Variants in ZNF30 observed in about 807,000 individuals in gnomAD.
ZNF30 encodes zinc finger protein 30.
Under a neutral mutation model 13.2 loss-of-function variants are expected in ZNF30, and 15 were observed. The ratio of observed to expected loss-of-function variants is 1.13; its 90% CI spans 0.76 to 1.75. The LOEUF (loss-of-function observed/expected upper bound fraction) is 1.75, where lower values mean the gene tolerates loss of function less well. Among genes scored for constraint, ZNF30 ranks in the 40% most tolerant of loss-of-function variants. The pLI, the probability that ZNF30 is intolerant of heterozygous loss-of-function variation, is 0.00. For synonymous variants in ZNF30, 223 were observed against 256.6 expected, an observed-to-expected ratio of 0.87 and a Z score of 1.25; for missense variants, 726 against 757.0, an observed-to-expected ratio of 0.96 and a Z score of 0.48.
At chr19:34,926,415 C>G (rs770753370), upstream of ZNF30, among the ~76,000 whole-genome samples, 15 of 152,210 alleles carry the variant, frequency 9.9e-5, no homozygotes, top group Admixed American at 2.6e-4. Context: ...TTTGATTAGC[C>G]TTATTTACAT....
intron 4 of ZNF30, among the ~76,000 whole-genome samples, chr19:34,937,185 A>G (rs993986844): frequency 2.0e-5 from 3 of 151,602 alleles, no homozygotes; most frequent in Admixed American, 1.3e-4. Flanking sequence ...CTAATTTTTT[A>G]TATTTTTAGT....
chr19:34,932,066 A>C (rs2012482806), intron 3 of ZNF30, 73 bp downstream of exon 3: 1 of 1,370,336 alleles, frequency 7.3e-7, no homozygotes, highest in Non-Finnish European at 9.6e-7. Context: ...TTTTAGGGCT[A>C]GCTTAAGAAC....
At chr19:34,937,562 C>A (rs1303365397) in intron 4 of ZNF30, among the ~76,000 whole-genome samples, 1 of 151,844 alleles carries the variant, frequency 6.6e-6, no homozygotes, top group African/African-American at 2.4e-5. Flanking sequence ...CAGGACCCCC[C>A]ATCTCTACAA....
At chr19:34,932,220 A>T (rs1477143043) in intron 3 of ZNF30, among the ~76,000 whole-genome samples, 1 of 152,174 alleles carries the variant, frequency 6.6e-6, no homozygotes, top group Non-Finnish European at 1.5e-5. Flanking sequence ...TTTTTGCTCT[A>T]AATTGCTCTA....
At chr19:34,932,059 T>C in intron 3 of ZNF30, 66 bp downstream of exon 3, 1 of 1,403,268 alleles carries the variant, frequency 7.1e-7, no homozygotes, top group African/African-American at 1.5e-5. Flanking sequence ...TTGCAGATTT[T>C]AGGGCTAGCT....
At position 34,944,497 on chromosome 19, in the gene ZNF30, C is replaced by T. The variant is rs780880223; in HGVS notation, c.1531C>T (p.Pro511Ser). The T allele has an allele frequency of 9.3e-6, 15 of 1,613,688 alleles. No individual in the cohort carries two copies. The highest frequency in any genetic ancestry group is 1.3e-5 in the Non-Finnish European group (15 of 1,179,958). ...QHSRIHTGKK[P>S]YECKECGKAF... ...TAGCAGAATCCATACTGGTAAGAAG[C>T]CCTATGAGTGTAAGGAGTGTGGCAA... The change falls in exon 5 of 5, where the codon CCC (proline) becomes TCC (serine). Residue 511 changes from proline (P) to serine (S), a missense_variant. Physicochemically the swap from Pro to Ser is moderately conservative, Grantham distance 74. Coordinates refer to ENST00000601142, the MANE Select transcript of ZNF30 (RefSeq NM_194325.3).
At chr19:34,929,702 A>G (rs1568535131) in intron 1 of ZNF30, among the ~76,000 whole-genome samples, 182 bp from the exon 2 acceptor site, 1 of 152,208 alleles carries the variant, frequency 6.6e-6, no homozygotes, top group African/African-American at 2.4e-5. Flanking sequence ...AAGAAGTGCC[A>G]CACCTCTGCG....
chr19:34,932,029 T>A (rs771550724), intron 3 of ZNF30, 36 bp downstream of exon 3: 2 of 1,539,600 alleles, frequency 1.3e-6, no homozygotes, highest in Non-Finnish European at 1.7e-6. Context: ...GAGAATCTGC[T>A]CCCTGTTATA....
chr19:34,944,033 G>C lies in ZNF30; in HGVS notation c.1067G>C (p.Ser356Thr), dbSNP rs2013192274. The C allele has an allele frequency of 6.2e-7, 1 of 1,613,892 alleles. No homozygotes were observed. The highest frequency in any genetic ancestry group is 1.3e-5 in the African/African-American group (1 of 74,944). Reference sequence around the variant, plus strand: ...GAATGTGGAAAGGCCTTTAGACTTAGTTCCTTCCTTCATGCACATCAGCGA... The same window carrying C: ...GAATGTGGAAAGGCCTTTAGACTTACTTCCTTCCTTCATGCACATCAGCGA... Reference protein sequence around the residue: ...CKECGKAFRLSSFLHAHQRIH... With the variant: ...CKECGKAFRLTSFLHAHQRIH... Residue 356 changes from serine (S) to threonine (T), a missense_variant, in exon 5 of 5, where the codon AGT (serine) becomes ACT (threonine). Transcript: ENST00000601142.
At chr19:34,927,650 A>G (rs2012148417) in intron 1 of ZNF30, among the ~76,000 whole-genome samples, 1 of 152,234 alleles carries the variant, frequency 6.6e-6, no homozygotes, top group South Asian at 2.1e-4. Flanking sequence ...AAAGGAGAGC[A>G]AGATGACAGC....
rs768287894 is a variant in ZNF30, at chr19:34,944,322, A to G, written c.1356A>G (p.Gly452=). Residue 452 remains glycine, a synonymous_variant, in exon 5 of 5, where the codon GGA becomes GGG. Transcript: ENST00000601142. ...CCGTACATCAAAGGGTTCATACTGG[A>G]GAGAAACCCTATGAGTGTAAGGAAT... ...QLTVHQRVHT[G]EKPYECKECG... 3.1e-6 allele frequency: 5 copies of G among 1,613,274 alleles called. No homozygotes were observed. Among genetic ancestry groups the G allele is most frequent in the East Asian group, 4.5e-5 (2 of 44,780 alleles).
intron 1 of ZNF30, among the ~76,000 whole-genome samples, chr19:34,928,572 C>CCTGT (rs2012257663): frequency 6.6e-6 from 1 of 152,130 alleles, no homozygotes; most frequent in South Asian, 2.1e-4. Context: ...GTGGCTCACG[C>CCTGT]CTGTAATCCC....
At chr19:34,931,820 A>G in intron 2 of ZNF30, 23 bp from the exon 3 acceptor site, 1 of 1,604,576 alleles carries the variant, frequency 6.2e-7, no homozygotes, top group Non-Finnish European at 8.5e-7. Context: ...TCACCTTGAA[A>G]GCATTTTCTT....
chr19:34,934,668 A>G (rs1225144790), intron 4 of ZNF30, among the ~76,000 whole-genome samples: 1 of 152,218 alleles, frequency 6.6e-6, no homozygotes, highest in Admixed American at 6.5e-5. Flanking sequence ...AACAGATACC[A>G]GAAAAACCAT....
At chr19:34,932,403 T>G (rs2012498574) in intron 3 of ZNF30, among the ~76,000 whole-genome samples, 1 of 152,198 alleles carries the variant, frequency 6.6e-6, no homozygotes, top group African/African-American at 2.4e-5. Context: ...ATTTTGTGGT[T>G]AAAATTCATC....
intron 4 of ZNF30, among the ~76,000 whole-genome samples, chr19:34,940,502 T>C (rs2546014): frequency 0.47 from 70,461 of 151,492 alleles, 19,527 homozygotes; most frequent in African/African-American, 0.79. Flanking sequence ...ACCCTGTCTT[T>C]ACTAAAAATA....
At chr19:34,941,278 G>A (rs1396013778) in intron 4 of ZNF30, among the ~76,000 whole-genome samples, 1 of 152,066 alleles carries the variant, frequency 6.6e-6, no homozygotes, top group African/African-American at 2.4e-5. Context: ...GTTTTGTTTT[G>A]TTTTGAGATG....
At chr19:34,925,014 G>A (rs990025675), upstream of ZNF30, among the ~76,000 whole-genome samples, 9 of 152,194 alleles carry the variant, frequency 5.9e-5, no homozygotes, top group Non-Finnish European at 1.2e-4. Flanking sequence ...GTTGATAAGA[G>A]AAAAGTTCCC....
intron 4 of ZNF30, among the ~76,000 whole-genome samples, chr19:34,936,701 G>A (rs2012759374): frequency 6.6e-6 from 1 of 152,066 alleles, no homozygotes; most frequent in African/African-American, 2.4e-5. Context: ...TTTGAGACCA[G>A]CTTGGGCAAC....
Sources: allele counts gnomAD v4.1 joint callset (sites outside exome capture counted in the v4.1 genomes callset), GRCh38; gene constraint gnomAD v4.1.1; transcripts MANE v1.5; gene names NCBI Gene and HGNC (gene_info 2026-07-23, HGNC 2026-07-21).